Variants in NFIA observed in about 807,000 individuals in gnomAD.
NFIA encodes nuclear factor I A.
NFIA carries 8 observed loss-of-function variants against 62.8 expected under a neutral mutation model. The ratio of observed to expected loss-of-function variants is 0.13; its 90% CI spans 0.07 to 0.23. The LOEUF (loss-of-function observed/expected upper bound fraction) is 0.23, where lower values mean the gene tolerates loss of function less well. Ranked by LOEUF, NFIA falls within the 10% of genes least tolerant of loss-of-function variation. The probability of loss-of-function intolerance (pLI) is 1.00; values close to 1 mark genes in which losing one functional copy is unlikely to be tolerated. For missense variants in NFIA, 410 were observed against 642.1 expected (o/e 0.64, Z 3.91); for synonymous variants, 235 against 238.1 (o/e 0.99, Z 0.12).
At chr1:61,208,641 C>A (rs332822) in intron 2 of NFIA, among the ~76,000 whole-genome samples, 82,250 of 151,954 alleles carry the variant, frequency 0.54, 22,803 homozygotes, top group East Asian at 0.75. Context: ...TAATAGAAGT[C>A]TATCATAGGA....
chr1:61,447,553 C>T (rs531152156), intron 10 of NFIA, among the ~76,000 whole-genome samples: 2 of 152,270 alleles, frequency 1.3e-5, no homozygotes, highest in South Asian at 4.2e-4. Context: ...TGTCTGGGCT[C>T]CACCCAGAAA....
At chr1:61,347,165 C>CTTTTTTTTTT (rs869046737) in intron 4 of NFIA, among the ~76,000 whole-genome samples, 2 of 70,138 alleles carry the variant, frequency 2.9e-5, no homozygotes, top group African/African-American at 6.5e-5. Context: ...CTGGATCCCA[C>CTTTTTTTTTT]TTTTTTTTTT....
rs570951662 is a variant in NFIA, at chr1:61,340,600, T to C, written c.700+8014T>C. Among the ~76,000 whole-genome samples the C allele has an allele frequency of 2.0e-5, 3 of 152,306 alleles. No homozygotes were observed. The South Asian group carries it at 6.2e-4, about 32-fold the overall frequency. On this transcript the variant is annotated intron_variant, in intron 4 of 10. Coordinates refer to ENST00000403491, the MANE Select transcript of NFIA (RefSeq NM_001134673.4). ...CCACATAGTAGATGCTCAACAATGA[T>C]AACCACCACGATTATTGAACAGAGC... is the stretch of plus-strand genomic sequence containing the variant.
chr1:61,145,371 A>G (rs1171539363), intron 2 of NFIA, among the ~76,000 whole-genome samples: 1 of 152,200 alleles, frequency 6.6e-6, no homozygotes, highest in Non-Finnish European at 1.5e-5. Context: ...CAAAATCTGT[A>G]GGGTCTGGTT....
rs191597881 is a variant in NFIA at position 61,455,862 on chromosome 1, G to A, written c.*542G>A. The A allele has an allele frequency of 1.2e-3, 178 of 153,990 alleles. No homozygotes were observed. Among genetic ancestry groups the A allele is most frequent in the Non-Finnish European group, 2.0e-3 (140 of 68,960 alleles). The allele number at this position is 153,990 out of a possible 1,614,324, so 9.5% of individuals were successfully genotyped here. On this transcript the variant is annotated 3_prime_UTR_variant, in exon 11 of 11. Coordinates refer to ENST00000403491, the MANE Select transcript of NFIA (RefSeq NM_001134673.4). ...TAACATATTGGAAAAAGAAAATGCA[G>A]TTATATTCCTTTTTTATTTGTTCCT...
intron 2 of NFIA, among the ~76,000 whole-genome samples, chr1:61,223,718 C>T (rs1654157938): frequency 6.6e-6 from 1 of 151,908 alleles, no homozygotes; most frequent in African/African-American, 2.4e-5. Context: ...TGATAGCTAT[C>T]CTCCACCTCT....
intron 3 of NFIA, among the ~76,000 whole-genome samples, chr1:61,327,603 T>A (rs1441165253): frequency 6.6e-6 from 1 of 152,172 alleles, no homozygotes; most frequent in Non-Finnish European, 1.5e-5. Context: ...TGTTCTTTTT[T>A]ATGGCTGAGT....
At chr1:61,292,925 C>G (rs375135034) in intron 3 of NFIA, among the ~76,000 whole-genome samples, 2 of 152,140 alleles carry the variant, frequency 1.3e-5, no homozygotes, top group African/African-American at 4.8e-5. Flanking sequence ...TCCCCCAAGT[C>G]GTGCAATGCT....
At chr1:61,283,657 C>G (rs1658304664) in intron 3 of NFIA, among the ~76,000 whole-genome samples, 1 of 148,980 alleles carries the variant, frequency 6.7e-6, no homozygotes, top group Non-Finnish European at 1.5e-5. Flanking sequence ...GAAGAGAAAC[C>G]TATAAATTTC....
chr1:61,367,298 G>A (rs1395356574), intron 6 of NFIA, among the ~76,000 whole-genome samples: 4 of 152,212 alleles, frequency 2.6e-5, no homozygotes, highest in African/African-American at 7.2e-5. Context: ...CAGTAAAAAG[G>A]CAGCGACTGG....
intron 2 of NFIA, among the ~76,000 whole-genome samples, chr1:61,126,967 A>G (rs1364077570): frequency 2.0e-5 from 3 of 151,134 alleles, no homozygotes; most frequent in Non-Finnish European, 2.9e-5. Context: ...TAGTTTTTGT[A>G]TTTTTAGTAG....
At chr1:61,295,181 C>T (rs1659123925) in intron 3 of NFIA, among the ~76,000 whole-genome samples, 1 of 152,148 alleles carries the variant, frequency 6.6e-6, no homozygotes, top group Non-Finnish European at 1.5e-5. Flanking sequence ...AGCACTCTGA[C>T]AGAAAATTGT....
At chr1:61,239,441 C>G (rs1190880063) in intron 2 of NFIA, among the ~76,000 whole-genome samples, 1 of 152,092 alleles carries the variant, frequency 6.6e-6, no homozygotes, top group Admixed American at 6.6e-5. Flanking sequence ...AACATTAAAT[C>G]ATTAATTTTC....
chr1:61,387,264 TC>T (rs571191071), intron 7 of NFIA, among the ~76,000 whole-genome samples: 81 of 152,200 alleles, frequency 5.3e-4, no homozygotes, highest in Admixed American at 4.3e-3. Flanking sequence ...GATTATCATC[TC>T]TAACTCAAAA....
At chr1:61,191,098 T>C (rs1651583784) in intron 2 of NFIA, among the ~76,000 whole-genome samples, 1 of 151,994 alleles carries the variant, frequency 6.6e-6, no homozygotes, top group Non-Finnish European at 1.5e-5. Flanking sequence ...GCATGTTTTC[T>C]TAGTACTTTA....
At position 61,082,613 on chromosome 1, in the gene NFIA, G is replaced by T. The variant is rs1224268142; in HGVS notation, c.-179G>T. ...CAATAGCGCTGGCTGGCTGGCTGCA[G>T]TTGAGCCGACTTGGAAATGTGAACG... is the stretch of plus-strand genomic sequence containing the variant. On this transcript the variant is annotated 5_prime_UTR_variant, in exon 1 of 11. Transcript: ENST00000403491. 1.3e-6 allele frequency: 2 copies of T among 1,500,732 alleles called. No individual in the cohort carries two copies. Among genetic ancestry groups the T allele is most frequent in the African/African-American group, 2.8e-5 (2 of 71,808 alleles). The allele number at this position is 1,500,732 out of a possible 1,614,324, so 93.0% of individuals were successfully genotyped here. A position where few individuals can be genotyped will look rare whatever the true frequency, so the allele number is the denominator to read the frequency against.
At chr1:61,326,539 A>AC (rs34852552) in intron 3 of NFIA, among the ~76,000 whole-genome samples, 82,808 of 151,994 alleles carry the variant, frequency 0.54, 23,977 homozygotes, top group South Asian at 0.71. Flanking sequence ...AGGAACACTG[A>AC]CCCCATCAGG....
chr1:61,294,791 T>G (rs890551766), intron 3 of NFIA, among the ~76,000 whole-genome samples: 4 of 152,218 alleles, frequency 2.6e-5, no homozygotes, highest in African/African-American at 9.6e-5. Context: ...TGGTGCAGTG[T>G]GTGCAGTGTG....
In NFIA at chr1:61,456,325, T is replaced by C. The variant is rs1668297673; in HGVS notation, c.*1005T>C. 6.6e-6 allele frequency: 1 copy of C among 152,290 alleles called. No individual in the cohort carries two copies. The highest frequency in any genetic ancestry group is 2.4e-5 in the African/African-American group (1 of 41,354). 9.4% of individuals were successfully genotyped at this position (152,290 alleles called of 1,614,324 possible). ...GAAAAAGGGGAGCTATTTTTGCTTT[T>C]TATGTTTTTTATTGTTAAACTTGTA... On this transcript the variant is annotated 3_prime_UTR_variant, in exon 11 of 11. Transcript: ENST00000403491.
Sources: gnomAD v4.1 joint callset for allele counts (sites outside exome capture counted in the v4.1 genomes callset) on GRCh38, gnomAD v4.1.1 for gene constraint, MANE v1.5 for transcripts, NCBI Gene and HGNC (gene_info 2026-07-23, HGNC 2026-07-21) for gene names.